PRKN: variants seen among roughly 807,000 people sequenced by gnomAD.
PRKN encodes E3 ubiquitin-protein ligase parkin.
Under a neutral mutation model 59.5 loss-of-function variants are expected in PRKN, and 56 were observed. That is an observed-to-expected ratio of 0.94 (90% CI 0.76 to 1.18). The LOEUF (loss-of-function observed/expected upper bound fraction) is 1.18. PRKN is among the 50% of genes most tolerant of loss of function. PRKN has a pLI of 0.00. For missense variants in PRKN, 657 were observed against 596.4 expected, an observed-to-expected ratio of 1.10 and a Z score of -1.06; for synonymous variants, 250 against 222.1, an observed-to-expected ratio of 1.13 and a Z score of -1.12.
intron 1 of PRKN, among the ~76,000 whole-genome samples, chr6:162,712,360 AACCCC>A (rs1778568581): frequency 6.6e-6 from 1 of 152,182 alleles, no homozygotes; most frequent in Admixed American, 6.5e-5. Flanking sequence ...AGTAATGTCT[AACCCC>A]AGACAAAGAG....
rs376402376 is a variant in PRKN, at chr6:162,358,521, TTTCTC to T, written c.171+84784_171+84788del. 9.3e-4 allele frequency among the ~76,000 whole-genome samples: 141 copies of T among 152,302 alleles called. 2 individuals carry two copies. The East Asian group carries it at 0.023, about 24-fold the overall frequency. On this transcript the variant is annotated intron_variant, in intron 2 of 11. Coordinates refer to ENST00000366898, the MANE Select transcript of PRKN (RefSeq NM_004562.3). ...AACGTTTAAATGCTACAAATTTACA[TTTCTC>T]TGTTCATAAAAGAACTTATTTTTGG...
chr6:162,559,657 T>C (rs1249717191), intron 1 of PRKN, among the ~76,000 whole-genome samples: 1 of 152,200 alleles, frequency 6.6e-6, no homozygotes, highest in Non-Finnish European at 1.5e-5. Flanking sequence ...TAAAAAGCAA[T>C]GGCCACCACA....
chr6:161,732,780 T>C (rs1425376732), intron 7 of PRKN, among the ~76,000 whole-genome samples: 1 of 152,166 alleles, frequency 6.6e-6, no homozygotes, highest in Non-Finnish European at 1.5e-5. Flanking sequence ...ATGGGGCTAT[T>C]TGAGCTTCAG....
At chr6:161,863,543 T>C (rs1793993030) in intron 6 of PRKN, among the ~76,000 whole-genome samples, 1 of 152,228 alleles carries the variant, frequency 6.6e-6, no homozygotes, top group South Asian at 2.1e-4. Flanking sequence ...TTTGCTCATG[T>C]GGTTTTTCAA....
At chr6:161,732,962 C>T (rs1276094593) in intron 7 of PRKN, among the ~76,000 whole-genome samples, 1 of 152,110 alleles carries the variant, frequency 6.6e-6, no homozygotes, top group Non-Finnish European at 1.5e-5. Context: ...GGAGCAACAG[C>T]ACCATAATGA....
At chr6:162,457,214 C>T (rs1277582895) in intron 1 of PRKN, among the ~76,000 whole-genome samples, 1 of 151,958 alleles carries the variant, frequency 6.6e-6, no homozygotes, top group African/African-American at 2.4e-5. Context: ...TGAAGATTAA[C>T]TATATTACAT....
chr6:161,672,830 A>G (rs181019011), intron 7 of PRKN, among the ~76,000 whole-genome samples: 1 of 152,350 alleles, frequency 6.6e-6, no homozygotes, highest in Non-Finnish European at 1.5e-5. Context: ...CCTTTCCTGT[A>G]CTAAACTATG....
At position 161,502,674 on chromosome 6, in the gene PRKN, G is replaced by C. The variant is rs1778005107; in HGVS notation, c.1083+46180C>G. ...GGGAGTAGCAACCTCTGGAGTACCA[G>C]TGCATTTATGGAAAGATAATAGTTA... is the stretch of plus-strand genomic sequence containing the variant. On this transcript the variant is annotated intron_variant, in intron 9 of 11. Transcript: ENST00000366898. This position sits in a 1 kb window ranked among gnomAD's most constrained non-coding sequence, Gnocchi z 4.0. Among the ~76,000 whole-genome samples the C allele has an allele frequency of 2.6e-5, 4 of 152,172 alleles. No homozygotes were observed. Among genetic ancestry groups the C allele is most frequent in the African/African-American group, 9.7e-5 (4 of 41,440 alleles).
chr6:161,929,810 G>C (rs1779106349), intron 6 of PRKN, among the ~76,000 whole-genome samples: 1 of 152,094 alleles, frequency 6.6e-6, no homozygotes, highest in Non-Finnish European at 1.5e-5. Context: ...ACCATGCCTG[G>C]TCTCACGTCA....
intron 2 of PRKN, among the ~76,000 whole-genome samples, chr6:162,391,739 T>C (rs1787206630): frequency 6.6e-6 from 1 of 152,228 alleles, no homozygotes; most frequent in South Asian, 2.1e-4. Flanking sequence ...ACTGCATCAC[T>C]TCCAGGCTCC....
intron 1 of PRKN, among the ~76,000 whole-genome samples, chr6:162,525,105 G>A (rs1778227349): frequency 6.6e-6 from 1 of 152,070 alleles, no homozygotes; most frequent in African/African-American, 2.4e-5. Context: ...ACCTGAGTGG[G>A]AGGCCCCAGC....
In PRKN at chr6:162,516,530, T is replaced by C. The variant is rs193113528; in HGVS notation, c.8-73057A>G. On this transcript the variant is annotated intron_variant, in intron 1 of 11. Coordinates refer to ENST00000366898, the MANE Select transcript of PRKN (RefSeq NM_004562.3). The stretch of plus-strand genomic sequence containing the variant: ...ACTTTGGGAGGCCGAGGTGGGCGGA[T>C]CACTTGAGGTCAGGAGTTCAAGACC... 5.6e-4 allele frequency among the ~76,000 whole-genome samples: 86 copies of C among 152,232 alleles called. 1 individual carries two copies. The South Asian group carries it at 9.1e-3, about 16-fold the overall frequency.
intron 2 of PRKN, among the ~76,000 whole-genome samples, chr6:162,414,224 C>A (rs549210351): frequency 6.6e-6 from 1 of 152,142 alleles, no homozygotes; most frequent in African/African-American, 2.4e-5. Flanking sequence ...GAGCTGTTGG[C>A]TTTAGGAAAT....
In PRKN at chr6:162,262,585, CCA is replaced by C. The variant is rs772905515; in HGVS notation, c.350_351del (p.Val117GlyfsTer9). ...LSSSVLPGDSVGLAVILHTDS... is the reference protein window; with the variant it reads ...LSSSVLPGDSXGLAVILHTDS... ...TCAGTGTGCAGAATGACAGCCAGCCCCACAGAGTCTCCTGGGAGGACTGAGCT... is the reference window on the plus strand; with the variant it reads ...TCAGTGTGCAGAATGACAGCCAGCCCCAGAGTCTCCTGGGAGGACTGAGCT... On this transcript the variant is annotated frameshift_variant, in exon 3 of 12. Coordinates refer to ENST00000366898, the MANE Select transcript of PRKN (RefSeq NM_004562.3). LOFTEE classifies it high-confidence loss of function. 3 of 1,613,056 alleles carry C rather than the reference CCA, an allele frequency of 1.9e-6. No individual in the cohort carries two copies. The highest frequency in any genetic ancestry group is 1.1e-5 in the South Asian group (1 of 91,086).
At chr6:161,955,573 G>A (rs1002329165) in intron 6 of PRKN, among the ~76,000 whole-genome samples, 1 of 152,130 alleles carries the variant, frequency 6.6e-6, no homozygotes, top group African/African-American at 2.4e-5. Flanking sequence ...CTTGGAGGCC[G>A]GGCACAGTGG....
intron 1 of PRKN, among the ~76,000 whole-genome samples, chr6:162,463,649 T>C (rs542281201): frequency 6.6e-6 from 1 of 152,340 alleles, no homozygotes; most frequent in African/African-American, 2.4e-5. Context: ...ACTACTGCTA[T>C]GGGGCAAGTA....
chr6:161,813,368 CG>C (rs1456572249), intron 6 of PRKN, among the ~76,000 whole-genome samples: 5 of 152,140 alleles, frequency 3.3e-5, no homozygotes, highest in African/African-American at 1.2e-4. Context: ...TGCGGCGAGG[CG>C]GTGCAGTATC....
intron 6 of PRKN, among the ~76,000 whole-genome samples, chr6:161,897,477 A>G (rs571398126): frequency 6.6e-6 from 1 of 152,324 alleles, no homozygotes; most frequent in Non-Finnish European, 1.5e-5. Flanking sequence ...CTTCTGTAAG[A>G]GAAGAATGCT....
chr6:162,266,424 C>G (rs1385755674), intron 2 of PRKN: 2 of 151,952 alleles, frequency 1.3e-5, no homozygotes, highest in East Asian at 1.9e-4. Flanking sequence ...ACACCTCACA[C>G]AGTGCTTTGG....
Sources: allele counts gnomAD v4.1 joint callset (sites outside exome capture counted in the v4.1 genomes callset), GRCh38; gene constraint gnomAD v4.1.1; non-coding constraint Gnocchi (gnomAD v3.1); transcripts MANE v1.5; gene names NCBI Gene and HGNC (gene_info 2026-07-23, HGNC 2026-07-21).